The following ATXN1 variants were observed in gnomAD, a reference collection of about 807,000 sequenced individuals.
ATXN1 encodes the protein ataxin-1.
Under a neutral mutation model 56.4 loss-of-function variants are expected in ATXN1, and 8 were observed. The ratio of observed to expected loss-of-function variants is 0.14; its 90% CI spans 0.08 to 0.26. ATXN1 has a LOEUF of 0.26. Ranked by LOEUF, ATXN1 falls within the 10% of genes least tolerant of loss-of-function variation. The pLI is 1.00. For missense variants in ATXN1, 987 were observed against 1,106.5 expected, an observed-to-expected ratio of 0.89 and a Z score of 1.53; for synonymous variants, 514 against 494.6, an observed-to-expected ratio of 1.04 and a Z score of -0.52.
chr6:16,447,605 C>T lies in ATXN1; in HGVS notation c.-161+38367G>A, dbSNP rs547119305. Among the ~76,000 whole-genome samples the T allele has an allele frequency of 1.4e-4, 21 of 152,284 alleles. No individual in the cohort carries two copies. In the South Asian group the frequency reaches 3.7e-3, roughly 27 times the overall value. ...CTTCTGGCGTCAAGTGATCCTCCCA[C>T]CTCGGCCTCCCAAAGTGCTGGGATT... On this transcript the variant is annotated intron_variant, in intron 6 of 7. Transcript: ENST00000436367.
intron 5 of ATXN1, among the ~76,000 whole-genome samples, chr6:16,513,093 C>G (rs551116584): frequency 1.3e-5 from 2 of 152,182 alleles, no homozygotes; most frequent in African/African-American, 4.8e-5. Flanking sequence ...GTTTGGGGCA[C>G]GCAGAATCCC....
chr6:16,328,015 G>T lies in ATXN1; in HGVS notation c.296C>A (p.Ala99Asp). ...PPSAPRSVPV[A>D]TTLPAAYATP... ...GGCGTACGCGGCAGGCAGCGTGGTG[G>T]CCACGGGGACAGACCTGGGAGCGCT... Residue 99 changes from alanine to aspartate, a missense_variant, in exon 7 of 8, where the codon GCC becomes GAC. Physicochemically the swap from Ala to Asp is moderately radical, Grantham distance 126 (BLOSUM62 -2). Around this residue, in one of 3 missense-constraint regions of ATXN1, gnomAD observed 723 missense variants for 791.7 expected, o/e 0.91. Transcript: ENST00000436367. This position sits in a 1 kb window ranked among gnomAD's most constrained non-coding sequence, Gnocchi z 6.2. The T allele has an allele frequency of 6.2e-7, 1 of 1,613,752 alleles. No individual in the cohort carries two copies.
rs530074772 is a variant in ATXN1 at position 16,522,695 on chromosome 6, T to C, written c.-360-7A>G. The stretch of plus-strand genomic sequence containing the variant: ...GTCTAATTTCTTTGGAAAACTGGAA[T>C]AGAAAAAAAGATTTTTTAAAAAAAT... On this transcript the variant is annotated splice_polypyrimidine_tract_variant and splice_region_variant and intron_variant, in intron 4 of 7. Coordinates refer to ENST00000436367, the MANE Select transcript of ATXN1 (RefSeq NM_001128164.2). 3 of 152,246 alleles carry C rather than the reference T, an allele frequency of 2.0e-5. No individual in the cohort carries two copies. The East Asian group carries it at 5.8e-4, about 29-fold the overall frequency. The allele number at this position is 152,246 out of a possible 1,614,324, so 9.4% of individuals were successfully genotyped here.
chr6:16,358,772 A>C (rs1055568962), intron 6 of ATXN1, among the ~76,000 whole-genome samples: 2 of 152,136 alleles, frequency 1.3e-5, no homozygotes, highest in African/African-American at 4.8e-5. Context: ...CAGCCACCCA[A>C]ACTGCAGCTG....
chr6:16,607,547 G>A (rs532039525), intron 3 of ATXN1, among the ~76,000 whole-genome samples: 6 of 152,266 alleles, frequency 3.9e-5, no homozygotes, highest in Non-Finnish European at 5.9e-5. Context: ...TGTCTGGGGT[G>A]GGTGGGAAAT....
intron 3 of ATXN1, among the ~76,000 whole-genome samples, chr6:16,595,924 A>T (rs1193522452): frequency 1.3e-5 from 2 of 152,178 alleles, no homozygotes; most frequent in Non-Finnish European, 2.9e-5. Flanking sequence ...AGTGAGCTGG[A>T]ACCCAGCCAG....
intron 4 of ATXN1, among the ~76,000 whole-genome samples, chr6:16,553,701 T>C (rs1330901915): frequency 6.6e-6 from 1 of 152,174 alleles, no homozygotes; most frequent in Admixed American, 6.5e-5. Flanking sequence ...CATACCACTG[T>C]CTGTTACCGC....
intron 4 of ATXN1, among the ~76,000 whole-genome samples, chr6:16,575,289 T>A (rs1762402671): frequency 6.6e-6 from 1 of 152,260 alleles, no homozygotes; most frequent in Admixed American, 6.5e-5. Context: ...ATCTAATGCA[T>A]CCATCGGTGG....
chr6:16,565,338 G>C (rs1025961690), intron 4 of ATXN1, among the ~76,000 whole-genome samples: 11 of 152,082 alleles, frequency 7.2e-5, no homozygotes, highest in African/African-American at 2.2e-4. Context: ...GTTTAGGGAA[G>C]AAACTGCAAA....
rs1760915576 is a variant in ATXN1, at chr6:16,328,925, T to C, written c.-160-455A>G. On this transcript the variant is annotated intron_variant, in intron 6 of 7. Coordinates refer to ENST00000436367, the MANE Select transcript of ATXN1 (RefSeq NM_001128164.2). The surrounding 1 kb of genome is among the most constrained non-coding windows in gnomAD (Gnocchi z 6.2). ...CTGGGCAACAGAGCGACACTCTGTC[T>C]CCAAAAACGAAACAAAACAACAACA... Among the ~76,000 whole-genome samples the C allele has an allele frequency of 6.6e-6, 1 of 151,900 alleles. No homozygotes were observed. Among genetic ancestry groups the C allele is most frequent in the Non-Finnish European group, 1.5e-5 (1 of 67,990 alleles).
At chr6:16,450,224 C>T (rs1317875919) in intron 6 of ATXN1, among the ~76,000 whole-genome samples, 1 of 152,198 alleles carries the variant, frequency 6.6e-6, no homozygotes, top group Non-Finnish European at 1.5e-5. Context: ...AAAAACCGGT[C>T]CTTGTGGGAA....
intron 6 of ATXN1, among the ~76,000 whole-genome samples, chr6:16,356,652 G>A (rs1761693103): frequency 6.6e-6 from 1 of 152,086 alleles, no homozygotes; most frequent in Non-Finnish European, 1.5e-5. Flanking sequence ...AAGGACAAAT[G>A]ATACCAGGAA....
At chr6:16,692,170 T>C (rs1267006513) in intron 2 of ATXN1, among the ~76,000 whole-genome samples, 8 of 152,288 alleles carry the variant, frequency 5.3e-5, no homozygotes, top group Admixed American at 2.6e-4. Flanking sequence ...ACAGTAGAAT[T>C]GCTTGAACCT....
In ATXN1 at chr6:16,745,944, G is replaced by A. The variant is rs1014714263; in HGVS notation, c.-615+7289C>T. 4.0e-4 allele frequency among the ~76,000 whole-genome samples: 59 copies of A among 145,700 alleles called. No homozygotes were observed. The East Asian group carries it at 0.01, about 25-fold the overall frequency. ...AATGCTATGCCTTCCGTGTGTGTGT[G>A]TGTGTGTGTGTGTGTGTGTGTGTGT... On this transcript the variant is annotated intron_variant, in intron 2 of 7. Coordinates refer to ENST00000436367, the MANE Select transcript of ATXN1 (RefSeq NM_001128164.2).
At chr6:16,653,043 G>A (rs1758101231) in intron 3 of ATXN1, 1 of 152,350 alleles carries the variant, frequency 6.6e-6, no homozygotes, top group Admixed American at 6.5e-5. Flanking sequence ...AAAAAAATGT[G>A]TTAATGCATT....
intron 5 of ATXN1, among the ~76,000 whole-genome samples, chr6:16,489,813 G>A (rs546181729): frequency 2.0e-5 from 3 of 151,822 alleles, no homozygotes; most frequent in South Asian, 2.1e-4. Context: ...ACAAGACTCC[G>A]ACTCAAAAAA....
intron 6 of ATXN1, among the ~76,000 whole-genome samples, chr6:16,443,403 A>G (rs922568136): frequency 2.0e-5 from 3 of 152,140 alleles, no homozygotes; most frequent in Non-Finnish European, 4.4e-5. Flanking sequence ...TTATTGAACA[A>G]GAATCACTTT....
chr6:16,549,154 C>CTT (rs769558688), intron 4 of ATXN1, among the ~76,000 whole-genome samples: 1 of 146,000 alleles, frequency 6.8e-6, no homozygotes, highest in Non-Finnish European at 1.5e-5. Flanking sequence ...TTGCAGTTAA[C>CTT]TTTTTTTTTT....
At position 16,400,759 on chromosome 6, in the gene ATXN1, G is replaced by C. The variant is rs532350050; in HGVS notation, c.-160-72289C>G. On this transcript the variant is annotated intron_variant, in intron 6 of 7. Transcript: ENST00000436367. ...GAGCTTACAGTCTAAAAGAGGGAGG[G>C]AGGGAGAAGTATTTTGGCACTAGAA... 7.9e-5 allele frequency among the ~76,000 whole-genome samples: 12 copies of C among 152,304 alleles called. No individual in the cohort carries two copies. In the East Asian group the frequency reaches 2.1e-3, roughly 27 times the overall value.
Sources: allele counts gnomAD v4.1 joint callset (sites outside exome capture counted in the v4.1 genomes callset), GRCh38; gene constraint gnomAD v4.1.1; regional missense constraint gnomAD v4.1.1; non-coding constraint Gnocchi (gnomAD v3.1); transcripts MANE v1.5; gene names NCBI Gene and HGNC (gene_info 2026-07-23, HGNC 2026-07-21).